The following PPARGC1A variants were observed in gnomAD, a reference collection of about 807,000 sequenced individuals.
The protein encoded by PPARGC1A is peroxisome proliferator-activated receptor gamma coactivator 1-alpha.
Under a neutral mutation model 88.7 loss-of-function variants are expected in PPARGC1A, and 25 were observed. The ratio of observed to expected loss-of-function variants is 0.28; its 90% confidence interval spans 0.21 to 0.39. The LOEUF (loss-of-function observed/expected upper bound fraction) is 0.39. Ranked by LOEUF, PPARGC1A falls within the 10% of genes least tolerant of loss-of-function variation. The probability of loss-of-function intolerance (pLI) is 1.00; values close to 1 mark genes in which losing one functional copy is unlikely to be tolerated. For synonymous variants in PPARGC1A, 363 were observed against 355.6 expected (o/e 1.02, Z -0.24); for missense variants, 880 against 968.7 (o/e 0.91, Z 1.22).
chr4:23,955,153 G>T, the PPARGC1A span, among the ~76,000 whole-genome samples: 2 of 151,964 alleles, frequency 1.3e-5, no homozygotes, highest in Admixed American at 6.6e-5. Flanking sequence ...TACCAACATG[G>T]TTATTTGCAG....
chr4:23,947,393 A>ATG, the PPARGC1A span, among the ~76,000 whole-genome samples: 6 of 9,202 alleles, frequency 6.5e-4, no homozygotes, highest in African/African-American at 1.2e-3. Context: ...ATATATATAT[A>ATG]TATAAAAAAA....
At chr4:24,311,501 G>A in the PPARGC1A span, among the ~76,000 whole-genome samples, 1 of 151,524 alleles carries the variant, frequency 6.6e-6, no homozygotes, top group Non-Finnish European at 1.5e-5. Flanking sequence ...TTAGCCGGGC[G>A]CAGTGGCAGA....
At chr4:24,052,190 T>A in the PPARGC1A span, among the ~76,000 whole-genome samples, 1 of 152,172 alleles carries the variant, frequency 6.6e-6, no homozygotes, top group African/African-American at 2.4e-5. Context: ...CAGTTTGAGC[T>A]TGACAAAGCA....
chr4:24,283,093 T>A, the PPARGC1A span, among the ~76,000 whole-genome samples: 1 of 152,148 alleles, frequency 6.6e-6, no homozygotes, highest in Non-Finnish European at 1.5e-5. Context: ...GGTGAAGATA[T>A]ATGACTGATT....
the PPARGC1A span, among the ~76,000 whole-genome samples, chr4:24,109,161 T>C: frequency 3.9e-4 from 59 of 152,124 alleles, no homozygotes; most frequent in African/African-American, 1.1e-3. Flanking sequence ...TTGAAACTTA[T>C]TGGTAATAAT....
chr4:24,066,849 G>GTTTTTTTTTTTTTTTTTTTTTTTTTTTTT, the PPARGC1A span, among the ~76,000 whole-genome samples: 1 of 100,880 alleles, frequency 9.9e-6, no homozygotes, highest in Non-Finnish European at 1.9e-5. Context: ...TTTGTTTTGG[G>GTTTTTTTTTTTTTTTTTTTTTTTTTTTTT]TTTTTTTTTT....
chr4:23,815,830 G>A (rs1721879717), intron 7 of PPARGC1A, among the ~76,000 whole-genome samples: 1 of 152,096 alleles, frequency 6.6e-6, no homozygotes, highest in Non-Finnish European at 1.5e-5. Flanking sequence ...AGAACTTCAA[G>A]TCTGCTAACA....
rs1270062585 is a variant in PPARGC1A, at chr4:23,848,538, G to T, written c.235-16787C>A. Among the ~76,000 whole-genome samples the T allele has an allele frequency of 6.6e-5, 10 of 152,230 alleles. 1 individual carries two copies. In the South Asian group the frequency reaches 1.7e-3, roughly 25 times the overall value. Reference sequence around the variant, plus strand: ...AAAGATCTGATGCTATCAGCTAGAGGTGGCCCTGGAATAGATCTGCACACG... The same window carrying T: ...AAAGATCTGATGCTATCAGCTAGAGTTGGCCCTGGAATAGATCTGCACACG... On this transcript the variant is annotated intron_variant, in intron 2 of 12. Transcript: ENST00000264867.
chr4:24,086,408 C>G, the PPARGC1A span, among the ~76,000 whole-genome samples: 2 of 152,212 alleles, frequency 1.3e-5, no homozygotes, highest in African/African-American at 4.8e-5. Flanking sequence ...CAACACTGCT[C>G]TCTTTCCTAT....
the PPARGC1A span, among the ~76,000 whole-genome samples, chr4:24,400,038 A>C: frequency 6.6e-6 from 1 of 152,068 alleles, no homozygotes; most frequent in African/African-American, 2.4e-5. Context: ...ACCCCGCCTC[A>C]GCCTCCCAAA....
chr4:24,359,338 G>T, the PPARGC1A span, among the ~76,000 whole-genome samples: 1 of 152,122 alleles, frequency 6.6e-6, no homozygotes, highest in Non-Finnish European at 1.5e-5. Flanking sequence ...GATCCCATTT[G>T]CTCCTGTGGC....
chr4:24,118,687 T>C, the PPARGC1A span, among the ~76,000 whole-genome samples: 6,641 of 152,200 alleles, frequency 0.044, 415 homozygotes, highest in African/African-American at 0.13. Context: ...TAAAATAAGC[T>C]CTTTACCCTT....
the PPARGC1A span, among the ~76,000 whole-genome samples, chr4:24,419,787 C>T: frequency 6.6e-6 from 1 of 152,036 alleles, no homozygotes; most frequent in African/African-American, 2.4e-5. Flanking sequence ...TGATTATAAT[C>T]ACATCCAAAT....
the PPARGC1A span, among the ~76,000 whole-genome samples, chr4:24,066,108 G>C: frequency 6.6e-6 from 1 of 151,768 alleles, no homozygotes; most frequent in Non-Finnish European, 1.5e-5. Context: ...CAGTCTCCTC[G>C]GTGGAAGCTT....
chr4:24,319,723 A>G, the PPARGC1A span, among the ~76,000 whole-genome samples: 4 of 152,328 alleles, frequency 2.6e-5, no homozygotes, highest in South Asian at 6.2e-4. Context: ...AGTTACGGCT[A>G]ATGTTATTGA....
chr4:24,399,062 A>G, the PPARGC1A span, among the ~76,000 whole-genome samples: 1 of 152,156 alleles, frequency 6.6e-6, no homozygotes, highest in Non-Finnish European at 1.5e-5. Flanking sequence ...AACTTCCCAC[A>G]CTGCAAGGGC....
At chr4:23,931,172 C>T in the PPARGC1A span, among the ~76,000 whole-genome samples, 1 of 152,134 alleles carries the variant, frequency 6.6e-6, no homozygotes, top group African/African-American at 2.4e-5. Context: ...GCTGGGACTC[C>T]CTGTCCCCTC....
the PPARGC1A span, among the ~76,000 whole-genome samples, chr4:24,260,767 T>C: frequency 7.5e-6 from 1 of 132,798 alleles, no homozygotes; most frequent in Non-Finnish European, 1.6e-5. Context: ...TGCACTGATA[T>C]AACAGAACCT....
chr4:24,077,401 T>C, the PPARGC1A span, among the ~76,000 whole-genome samples: 1 of 152,140 alleles, frequency 6.6e-6, no homozygotes, highest in Non-Finnish European at 1.5e-5. Flanking sequence ...TGAATGTCCA[T>C]TATTTTATTC....
Sources: allele counts gnomAD v4.1 joint callset (sites outside exome capture counted in the v4.1 genomes callset), GRCh38; gene constraint gnomAD v4.1.1; transcripts MANE v1.5; gene names NCBI Gene and HGNC (gene_info 2026-07-23, HGNC 2026-07-21).